NBAS: variants seen among roughly 807,000 people sequenced by gnomAD.
NBAS encodes NAG/BC035112 fusion.
A neutral mutation model predicts 302.5 loss-of-function variants in NBAS; 219 were observed. The ratio of observed to expected loss-of-function variants is 0.72; its 90% CI spans 0.65 to 0.81. The LOEUF (loss-of-function observed/expected upper bound fraction) is 0.81, where lower values mean the gene tolerates loss of function less well. Among genes scored for constraint, NBAS ranks in the 30% least tolerant of loss-of-function variants. The pLI is 0.00. For missense variants in NBAS, 2,932 were observed against 2,841.6 expected (o/e 1.03, Z -0.72); for synonymous variants, 1,118 against 1,021.6 (o/e 1.09, Z -1.80).
At chr2:15,524,798 ATT>A (rs58928230) in intron 9 of NBAS, among the ~76,000 whole-genome samples, 1 of 146,042 alleles carries the variant, frequency 6.8e-6, no homozygotes, top group African/African-American at 2.5e-5. Context: ...CTAGGTATGC[ATT>A]TTTTTTTTTT....
chr2:14,930,527 A>G, the NBAS span, among the ~76,000 whole-genome samples: 9 of 152,220 alleles, frequency 5.9e-5, no homozygotes, highest in African/African-American at 2.2e-4. Context: ...CTGATAGAAC[A>G]GAATTGAGGG....
intron 9 of NBAS, among the ~76,000 whole-genome samples, chr2:15,532,038 C>T (rs1169628571): frequency 2.0e-5 from 3 of 152,034 alleles, no homozygotes; most frequent in African/African-American, 7.2e-5. Context: ...GTATGTGGCA[C>T]AGAGTAGGAA....
chr2:15,350,514 T>C lies in NBAS; in HGVS notation c.4179+1478A>G, dbSNP rs141202548. 2.1e-3 allele frequency among the ~76,000 whole-genome samples: 319 copies of C among 152,276 alleles called. 3 individuals are homozygous for C. The highest frequency in any genetic ancestry group is 7.4e-3 in the African/African-American group (307 of 41,564). On this transcript the variant is annotated intron_variant, in intron 35 of 51. Transcript: ENST00000281513. ...AATTCTACGTTTCTAGAAACAGTCA[T>C]GAAAAGTTAAATTCCCTGGAGCAAA...
intron 35 of NBAS, among the ~76,000 whole-genome samples, chr2:15,344,521 T>C (rs537967209): frequency 1.3e-5 from 2 of 152,196 alleles, no homozygotes; most frequent in South Asian, 2.1e-4. Context: ...CAGTAATTAA[T>C]AGGCTACCAA....
At chr2:15,043,284 C>T in the NBAS span, among the ~76,000 whole-genome samples, 1 of 152,068 alleles carries the variant, frequency 6.6e-6, no homozygotes, top group Non-Finnish European at 1.5e-5. Context: ...CGTCTTGGAC[C>T]CCTGCACGTT....
At chr2:15,444,505 A>C (rs1222289345) in intron 21 of NBAS, among the ~76,000 whole-genome samples, 3 of 152,010 alleles carry the variant, frequency 2.0e-5, no homozygotes, top group Non-Finnish European at 2.9e-5. Flanking sequence ...AAATCAATTC[A>C]AGATGGATTA....
At chr2:15,008,027 T>G in the NBAS span, among the ~76,000 whole-genome samples, 71 of 152,334 alleles carry the variant, frequency 4.7e-4, no homozygotes, top group South Asian at 0.015. Flanking sequence ...AGGAAGATGT[T>G]GCTATGCAAC....
At chr2:15,032,762 A>G in the NBAS span, among the ~76,000 whole-genome samples, 1 of 152,186 alleles carries the variant, frequency 6.6e-6, no homozygotes, top group African/African-American at 2.4e-5. Context: ...CAGTAGGAAA[A>G]CTGCCAGTTC....
chr2:15,136,506 G>C, the NBAS span, among the ~76,000 whole-genome samples: 2 of 152,210 alleles, frequency 1.3e-5, no homozygotes, highest in Non-Finnish European at 2.9e-5. Flanking sequence ...GTTTGGCAGA[G>C]GGCTGGATTT....
the NBAS span, among the ~76,000 whole-genome samples, chr2:14,918,389 T>C: frequency 0.087 from 13,214 of 151,646 alleles, 653 homozygotes; most frequent in African/African-American, 0.11. Flanking sequence ...GTAGAGTTAG[T>C]AGAGCACAAA....
intron 30 of NBAS, among the ~76,000 whole-genome samples, chr2:15,377,559 G>A (rs1380700678): frequency 6.6e-6 from 1 of 152,178 alleles, no homozygotes; most frequent in Non-Finnish European, 1.5e-5. Flanking sequence ...AGGCCCTGAT[G>A]ACTGGCCCAA....
intron 9 of NBAS, among the ~76,000 whole-genome samples, chr2:15,522,147 A>T (rs11685629): frequency 0.64 from 96,986 of 152,094 alleles, 31,655 homozygotes; most frequent in Non-Finnish European, 0.68. Flanking sequence ...TGATCAGAGT[A>T]GTACTTTAAG....
intron 44 of NBAS, among the ~76,000 whole-genome samples, chr2:15,245,646 G>GATGC (rs1427622463): frequency 1.2e-4 from 18 of 151,844 alleles, no homozygotes; most frequent in African/African-American, 4.4e-4. Flanking sequence ...TGGATGGATG[G>GATGC]ACGGACGGAC....
chr2:15,139,132 G>A, the NBAS span, among the ~76,000 whole-genome samples: 5 of 152,184 alleles, frequency 3.3e-5, no homozygotes, highest in Non-Finnish European at 7.3e-5. Context: ...CTCACAGGGA[G>A]GCTCCAACCC....
At chr2:15,517,704 T>C (rs996312158) in intron 9 of NBAS, among the ~76,000 whole-genome samples, 24 of 152,192 alleles carry the variant, frequency 1.6e-4, no homozygotes, top group African/African-American at 5.5e-4. Flanking sequence ...AAAGGGTGTT[T>C]TATACATGTG....
At chr2:15,423,977 A>C (rs1558324961) in intron 23 of NBAS, among the ~76,000 whole-genome samples, 1 of 152,226 alleles carries the variant, frequency 6.6e-6, no homozygotes, top group Non-Finnish European at 1.5e-5. Flanking sequence ...CTGCAATAAA[A>C]CAGTGGCTTA....
At position 15,504,192 on chromosome 2, in the gene NBAS, A is replaced by G. The variant is rs1164473023; in HGVS notation, c.907T>C (p.Leu303=). Reference sequence around the variant, plus strand: ...TAAAACTTGACACTTAACATCCTTAATAATCCCAGTGTCTTCGGTACCTGC... The same window carrying G: ...TAAAACTTGACACTTAACATCCTTAGTAATCCCAGTGTCTTCGGTACCTGC... ...VTAVPKTLGL[L]RMLSVKFYSR... Residue 303 remains leucine (L), a synonymous_variant, in exon 11 of 52, where the codon TTA becomes CTA. Coordinates refer to ENST00000281513, the MANE Select transcript of NBAS (RefSeq NM_015909.4). 2 of 1,613,134 alleles carry G rather than the reference A, an allele frequency of 1.2e-6. No individual in the cohort carries two copies.
the NBAS span, among the ~76,000 whole-genome samples, chr2:15,151,970 C>T: frequency 3.9e-5 from 6 of 152,124 alleles, no homozygotes; most frequent in Admixed American, 1.3e-4. Flanking sequence ...GCCTTGGCCT[C>T]CCGAGTAGCT....
chr2:15,255,721 T>C (rs973462887), intron 44 of NBAS, among the ~76,000 whole-genome samples: 1 of 152,196 alleles, frequency 6.6e-6, no homozygotes, highest in South Asian at 2.1e-4. Context: ...AGTTAATTTT[T>C]GTATTTGGTT....
Sources: allele counts gnomAD v4.1 joint callset (sites outside exome capture counted in the v4.1 genomes callset), GRCh38; gene constraint gnomAD v4.1.1; transcripts MANE v1.5; gene names NCBI Gene and HGNC (gene_info 2026-07-23, HGNC 2026-07-21).